The following SELENOT variants were observed in gnomAD, a reference collection of about 807,000 sequenced individuals.
The protein encoded by SELENOT is thioredoxin reductase-like selenoprotein T.
In SELENOT, 9 loss-of-function variants were observed where a neutral mutation model predicts 24.3. The ratio of observed to expected loss-of-function variants is 0.37; its 90% CI spans 0.22 to 0.65. The LOEUF (loss-of-function observed/expected upper bound fraction) is 0.65. Among genes scored for constraint, SELENOT ranks in the 30% least tolerant of loss-of-function variants. The probability of loss-of-function intolerance (pLI) is 0.60; values close to 1 mark genes in which losing one functional copy is unlikely to be tolerated. For synonymous variants in SELENOT, 81 were observed against 86.0 expected (o/e 0.94, Z 0.32); for missense variants, 166 against 247.6 (o/e 0.67, Z 2.21).
At chr3:150,613,090 G>A (rs1726131526) in intron 1 of SELENOT, among the ~76,000 whole-genome samples, 1 of 152,206 alleles carries the variant, frequency 6.6e-6, no homozygotes, top group Non-Finnish European at 1.5e-5. Context: ...AACTGTCATA[G>A]TTTGGTGTTG....
chr3:150,625,470 GTCT>G (rs1180836471), intron 4 of SELENOT, among the ~76,000 whole-genome samples: 2 of 151,986 alleles, frequency 1.3e-5, no homozygotes, highest in African/African-American at 4.8e-5. Flanking sequence ...GGATTACCAA[GTCT>G]TCTCAGTTCC....
At chr3:150,611,761 C>G (rs943580454) in intron 1 of SELENOT, 104 of 1,300,162 alleles carry the variant, frequency 8.0e-5, no homozygotes, top group Non-Finnish European at 1.0e-4. Flanking sequence ...GGGGCCCAGC[C>G]GCTGAGACCG....
At chr3:150,622,947 G>T in intron 2 of SELENOT, 96 bp from the exon 3 acceptor site, 1 of 1,097,092 alleles carries the variant, frequency 9.1e-7, no homozygotes, top group South Asian at 2.7e-5. Flanking sequence ...TTTAGATTTG[G>T]TGTCTAGAAA....
rs1707923307 is a variant in SELENOT at position 150,629,431 on chromosome 3, AT to A, written c.*1804del. 1.3e-5 allele frequency: 2 copies of A among 152,746 alleles called. No homozygotes were observed. Among genetic ancestry groups the A allele is most frequent in the African/African-American group, 4.8e-5 (2 of 41,560 alleles). 9.5% of individuals were successfully genotyped at this position (152,746 alleles called of 1,614,324 possible). On this transcript the variant is annotated 3_prime_UTR_variant, in exon 6 of 6. Coordinates refer to ENST00000471696, the MANE Select transcript of SELENOT (RefSeq NM_016275.5). ...GTTATCTGATTGTGTACCACTCCAA[AT>A]TCCCTGCCTTCTGCAAGTTGAATGT...
chr3:150,612,564 A>G (rs913821153), intron 1 of SELENOT, among the ~76,000 whole-genome samples: 6 of 152,278 alleles, frequency 3.9e-5, no homozygotes, highest in East Asian at 3.9e-4. Context: ...ATCTGAGTCT[A>G]TTTGCTCAAT....
intron 1 of SELENOT, among the ~76,000 whole-genome samples, chr3:150,616,537 A>G (rs962759535): frequency 3.3e-5 from 5 of 151,844 alleles, no homozygotes; most frequent in Non-Finnish European, 5.9e-5. Flanking sequence ...AAAAGTGGGC[A>G]AAGGACATGA....
chr3:150,617,093 T>C (rs1726235337), intron 1 of SELENOT, among the ~76,000 whole-genome samples: 2 of 152,212 alleles, frequency 1.3e-5, no homozygotes, highest in Non-Finnish European at 2.9e-5. Flanking sequence ...GTAAGCCCAG[T>C]TGTAATAGAA....
intron 1 of SELENOT, among the ~76,000 whole-genome samples, chr3:150,616,522 C>T (rs1726221410): frequency 6.6e-6 from 1 of 150,604 alleles, no homozygotes; most frequent in Non-Finnish European, 1.5e-5. Flanking sequence ...CAAACAACCC[C>T]ATCAAAAAGT....
intron 1 of SELENOT, among the ~76,000 whole-genome samples, chr3:150,604,377 G>GA (rs1235064529): frequency 5.3e-5 from 8 of 152,058 alleles, no homozygotes; most frequent in South Asian, 2.1e-4. Context: ...GAAGATGGGG[G>GA]AAAAAACACC....
intron 1 of SELENOT, among the ~76,000 whole-genome samples, chr3:150,608,321 C>T (rs1726015174): frequency 6.6e-6 from 1 of 152,146 alleles, no homozygotes; most frequent in Non-Finnish European, 1.5e-5. Context: ...TTTATTACAT[C>T]AAACCTAAAA....
chr3:150,616,898 C>T (rs1726230022), intron 1 of SELENOT, among the ~76,000 whole-genome samples: 1 of 152,234 alleles, frequency 6.6e-6, no homozygotes, highest in South Asian at 2.1e-4. Context: ...CCTGCCTTGG[C>T]CTCCCAAAGT....
At chr3:150,626,808 A>G in intron 4 of SELENOT, 1 of 537,856 alleles carries the variant, frequency 1.9e-6, no homozygotes, top group Non-Finnish European at 3.3e-6. Context: ...TTCTAAGTAC[A>G]CAATTGTAAT....
chr3:150,620,029 A>T (rs1418593417), intron 1 of SELENOT, among the ~76,000 whole-genome samples: 3 of 152,332 alleles, frequency 2.0e-5, no homozygotes, highest in Admixed American at 6.5e-5. Flanking sequence ...GAATCAGATT[A>T]TTAGCTAAAT....
At chr3:150,607,688 G>A (rs577793157) in intron 1 of SELENOT, among the ~76,000 whole-genome samples, 6 of 152,310 alleles carry the variant, frequency 3.9e-5, no homozygotes, top group East Asian at 3.9e-4. Flanking sequence ...ACTGAGATTC[G>A]AAGGATAAGA....
At chr3:150,606,055 C>T (rs908840674) in intron 1 of SELENOT, among the ~76,000 whole-genome samples, 1 of 151,512 alleles carries the variant, frequency 6.6e-6, no homozygotes. Context: ...AATTGTTAGT[C>T]AACACAATAG....
chr3:150,630,298 T>C lies in SELENOT; in HGVS notation c.*2669T>C, dbSNP rs1366138680. The C allele has an allele frequency of 6.6e-6, 1 of 152,214 alleles. No homozygotes were observed. Among genetic ancestry groups the C allele is most frequent in the African/African-American group, 2.4e-5 (1 of 41,456 alleles). 9.4% of individuals were successfully genotyped at this position (152,214 alleles called of 1,614,324 possible). A position where few individuals can be genotyped will look rare whatever the true frequency, so the allele number is the denominator to read the frequency against. On this transcript the variant is annotated 3_prime_UTR_variant, in exon 6 of 6. Transcript: ENST00000471696. ...TTTAATTTAGATTTCAAAAATAGCT[T>C]ACAGGATTTTAAACATGGTGTGGTA...
chr3:150,622,902 A>T (rs1726371711), intron 2 of SELENOT, 141 bp from the exon 3 acceptor site: 6 of 681,798 alleles, frequency 8.8e-6, no homozygotes, highest in Non-Finnish European at 1.1e-5. Context: ...TTAACACTGC[A>T]CAATAAACTT....
chr3:150,611,949 A>G (rs1461447777), intron 1 of SELENOT: 5 of 732,830 alleles, frequency 6.8e-6, no homozygotes, highest in East Asian at 2.9e-5. Flanking sequence ...GCGGCAGTTC[A>G]CTCTGCACAC....
chr3:150,626,904 CT>C, intron 4 of SELENOT, 105 bp from the exon 5 acceptor site: 1 of 1,198,220 alleles, frequency 8.3e-7, no homozygotes, highest in Non-Finnish European at 1.1e-6. Context: ...TTTTTGCCTA[CT>C]TTTGTATCCC....
Sources: gnomAD v4.1 joint callset for allele counts (sites outside exome capture counted in the v4.1 genomes callset) on GRCh38, gnomAD v4.1.1 for gene constraint, MANE v1.5 for transcripts, NCBI Gene and HGNC (gene_info 2026-07-23, HGNC 2026-07-21) for gene names.